The following DPP10 variants were observed in gnomAD, a reference collection of about 807,000 sequenced individuals.
DPP10 encodes the protein inactive dipeptidyl peptidase 10.
DPP10 carries 33 observed loss-of-function variants against 120.9 expected under a neutral mutation model. That is an observed-to-expected ratio of 0.27 (90% CI 0.21 to 0.37). The LOEUF is 0.37. DPP10 is among the 10% of genes least tolerant of loss of function. DPP10 has a pLI of 1.00. For synonymous variants in DPP10, 337 were observed against 326.1 expected, an observed-to-expected ratio of 1.03 and a Z score of -0.36; for missense variants, 816 against 942.8, an observed-to-expected ratio of 0.87 and a Z score of 1.76.
intron 1 of DPP10, among the ~76,000 whole-genome samples, chr2:114,871,663 G>A (rs948563661): frequency 6.6e-6 from 1 of 152,070 alleles, no homozygotes; most frequent in Non-Finnish European, 1.5e-5. Flanking sequence ...TTAGATTCGA[G>A]GGGGTACATG....
At chr2:114,811,417 T>A (rs1022859282) in intron 1 of DPP10, among the ~76,000 whole-genome samples, 3 of 152,068 alleles carry the variant, frequency 2.0e-5, no homozygotes, top group African/African-American at 7.2e-5. Flanking sequence ...CCACCAACAC[T>A]ACTGCCCAAG....
chr2:114,571,357 G>T (rs1183342603), intron 1 of DPP10, among the ~76,000 whole-genome samples: 1 of 152,010 alleles, frequency 6.6e-6, no homozygotes, highest in Non-Finnish European at 1.5e-5. Flanking sequence ...CTTCCCTTTT[G>T]CCTTCCACCA....
intron 1 of DPP10, among the ~76,000 whole-genome samples, chr2:115,014,067 A>G (rs535410289): frequency 7.9e-5 from 12 of 152,290 alleles, no homozygotes; most frequent in African/African-American, 2.9e-4. Flanking sequence ...CATCACACCT[A>G]TTCTAAAATT....
At chr2:115,588,998 G>A (rs1466813496) in intron 5 of DPP10, among the ~76,000 whole-genome samples, 3 of 152,066 alleles carry the variant, frequency 2.0e-5, no homozygotes, top group African/African-American at 7.2e-5. Flanking sequence ...ACGAAAAATT[G>A]GAAAAGAGCC....
chr2:115,317,908 G>T (rs1319269508), intron 2 of DPP10, among the ~76,000 whole-genome samples: 3 of 152,050 alleles, frequency 2.0e-5, no homozygotes, highest in Non-Finnish European at 4.4e-5. Context: ...CTTCTATAAT[G>T]TAGGTTGTCT....
intron 1 of DPP10, among the ~76,000 whole-genome samples, chr2:114,574,748 A>G (rs1291767758): frequency 1.3e-5 from 2 of 152,196 alleles, no homozygotes; most frequent in Non-Finnish European, 2.9e-5. Context: ...AGCAAGCATT[A>G]TGTGAGAGAA....
At chr2:115,282,224 C>T (rs2060189147) in intron 1 of DPP10, among the ~76,000 whole-genome samples, 1 of 151,972 alleles carries the variant, frequency 6.6e-6, no homozygotes, top group Admixed American at 6.6e-5. Flanking sequence ...GATAATATTA[C>T]ATAATAGTTA....
chr2:115,752,795 T>C (rs878931985), intron 10 of DPP10, among the ~76,000 whole-genome samples: 3 of 152,222 alleles, frequency 2.0e-5, no homozygotes, highest in Admixed American at 1.3e-4. Context: ...TATAAATGTA[T>C]ACTTGTTTTG....
intron 1 of DPP10, among the ~76,000 whole-genome samples, chr2:115,246,895 A>C (rs2058560781): frequency 6.6e-6 from 1 of 152,134 alleles, no homozygotes. Flanking sequence ...CGAACCAGAT[A>C]GGTTCTGCTC....
chr2:115,789,855 C>A (rs1408065146), intron 17 of DPP10, among the ~76,000 whole-genome samples: 2 of 152,024 alleles, frequency 1.3e-5, no homozygotes, highest in Non-Finnish European at 2.9e-5. Flanking sequence ...TTTAAAGTAA[C>A]ATCAAAAATC....
chr2:115,244,382 C>T (rs2058437815), intron 1 of DPP10, among the ~76,000 whole-genome samples: 2 of 151,508 alleles, frequency 1.3e-5, no homozygotes, highest in South Asian at 4.2e-4. Flanking sequence ...CAAAATATTT[C>T]ACCAAGATGA....
chr2:115,828,932 T>C (rs1688653051), intron 21 of DPP10, among the ~76,000 whole-genome samples: 1 of 152,162 alleles, frequency 6.6e-6, no homozygotes, highest in African/African-American at 2.4e-5. Flanking sequence ...TATATTTGTT[T>C]CCTTGTTGAC....
At chr2:115,797,106 G>T (rs1157545834) in intron 19 of DPP10, among the ~76,000 whole-genome samples, 1 of 151,914 alleles carries the variant, frequency 6.6e-6, no homozygotes, top group East Asian at 1.9e-4. Context: ...ATAGTTTCTG[G>T]AATATAACAT....
chr2:115,578,064 T>C (rs2081788422), intron 5 of DPP10, among the ~76,000 whole-genome samples: 1 of 152,180 alleles, frequency 6.6e-6, no homozygotes, highest in Non-Finnish European at 1.5e-5. Flanking sequence ...CTATTTCACG[T>C]TCCTTTGAGG....
At chr2:115,569,287 A>G (rs1305588786) in intron 5 of DPP10, among the ~76,000 whole-genome samples, 2 of 152,230 alleles carry the variant, frequency 1.3e-5, no homozygotes, top group Non-Finnish European at 2.9e-5. Flanking sequence ...TGAAAACTCA[A>G]AGACATATAA....
chr2:115,449,795 T>C (rs1399421039), intron 3 of DPP10, among the ~76,000 whole-genome samples: 3 of 152,084 alleles, frequency 2.0e-5, no homozygotes, highest in Admixed American at 2.0e-4. Context: ...ACATATGTAA[T>C]TGAGTTTGTG....
intron 19 of DPP10, 79 bp from the exon 20 acceptor site, chr2:115,814,709 TACTTA>T: frequency 1.3e-5 from 15 of 1,127,686 alleles, no homozygotes; most frequent in Non-Finnish European, 1.8e-5. Flanking sequence ...TCTTTCCCAT[TACTTA>T]ACTTGTGAGT....
At chr2:115,459,886 T>A (rs1338396853) in intron 3 of DPP10, among the ~76,000 whole-genome samples, 1 of 147,534 alleles carries the variant, frequency 6.8e-6, no homozygotes, top group South Asian at 2.1e-4. Flanking sequence ...CACCCATAGG[T>A]AAAATTATTT....
intron 1 of DPP10, chr2:114,833,607 G>A (rs1367561407): frequency 6.6e-6 from 1 of 152,176 alleles, no homozygotes. Context: ...TTTGATTGCA[G>A]TGTGTTCTTC....
Sources: allele counts gnomAD v4.1 joint callset (sites outside exome capture counted in the v4.1 genomes callset), GRCh38; gene constraint gnomAD v4.1.1; transcripts MANE v1.5; gene names NCBI Gene and HGNC (gene_info 2026-07-23, HGNC 2026-07-21).